The following DOCK4 variants were observed in gnomAD, a reference collection of about 807,000 sequenced individuals.
DOCK4 encodes dedicator of cytokinesis protein 4.
Under a neutral mutation model 268.1 loss-of-function variants are expected in DOCK4, and 97 were observed. That is an observed-to-expected ratio of 0.36 (90% CI 0.31 to 0.43). The LOEUF (loss-of-function observed/expected upper bound fraction) is 0.43, where lower values mean the gene tolerates loss of function less well. DOCK4 is among the 20% of genes least tolerant of loss of function. DOCK4 has a pLI of 1.00. For synonymous variants in DOCK4, 954 were observed against 887.2 expected (o/e 1.08, Z -1.34); for missense variants, 2,145 against 2,455.7 (o/e 0.87, Z 2.67).
intron 1 of DOCK4, among the ~76,000 whole-genome samples, chr7:112,033,088 T>A (rs1193266111): frequency 2.6e-5 from 4 of 152,178 alleles, no homozygotes. Flanking sequence ...CAGTATATTT[T>A]AAAATTTCCA....
intron 1 of DOCK4, among the ~76,000 whole-genome samples, chr7:112,170,178 G>C (rs1358383868): frequency 6.6e-6 from 1 of 152,052 alleles, no homozygotes; most frequent in African/African-American, 2.4e-5. Context: ...ATGTGGTCGG[G>C]CACAGTGACC....
At chr7:111,815,190 G>C (rs1447594289) in intron 27 of DOCK4, among the ~76,000 whole-genome samples, 1 of 152,130 alleles carries the variant, frequency 6.6e-6, no homozygotes, top group Non-Finnish European at 1.5e-5. Flanking sequence ...ATAGGATGAG[G>C]AGTAGGGCCT....
At chr7:111,931,980 T>C (rs1303282418) in intron 12 of DOCK4, among the ~76,000 whole-genome samples, 1 of 152,158 alleles carries the variant, frequency 6.6e-6, no homozygotes, top group Admixed American at 6.5e-5. Context: ...CAGAGGGAAA[T>C]GTGTGGTTTG....
At chr7:111,772,841 G>A (rs1798210113) in intron 36 of DOCK4, among the ~76,000 whole-genome samples, 1 of 152,006 alleles carries the variant, frequency 6.6e-6, no homozygotes, top group African/African-American at 2.4e-5. Context: ...GAGCAATGAA[G>A]GTCTCCAGTC....
At chr7:111,960,774 T>C (rs1409848474) in intron 8 of DOCK4, among the ~76,000 whole-genome samples, 2 of 152,156 alleles carry the variant, frequency 1.3e-5, no homozygotes, top group African/African-American at 2.4e-5. Flanking sequence ...AGTGAGATCA[T>C]GCACTCTTTG....
chr7:111,989,302 A>G (rs373358039), intron 5 of DOCK4, 139 bp from the exon 6 acceptor site: 5 of 1,128,208 alleles, frequency 4.4e-6, no homozygotes, highest in Middle Eastern at 2.7e-4. Context: ...GTGAACAGAC[A>G]AACTGTTCGC....
At chr7:111,801,965 T>G (rs1199268109) in intron 30 of DOCK4, among the ~76,000 whole-genome samples, 1 of 151,762 alleles carries the variant, frequency 6.6e-6, no homozygotes. Context: ...CCTCCCAAAG[T>G]GCTGGGATTA....
chr7:111,742,274 C>A lies in DOCK4; in HGVS notation c.4678-142G>T, dbSNP rs977050673. The A allele has an allele frequency of 3.8e-6, 3 of 796,812 alleles. No homozygotes were observed. The East Asian group carries it at 1.0e-4, about 26-fold the overall frequency. 49.4% of individuals were successfully genotyped at this position (796,812 alleles called of 1,614,324 possible). On this transcript the variant is annotated intron_variant, in intron 44 of 52. Coordinates refer to ENST00000428084, the MANE Select transcript of DOCK4 (RefSeq NM_001363540.2). The stretch of plus-strand genomic sequence containing the variant: ...TCTGACAAGGTAGGAACAGCTGTCA[C>A]TTTACAGGTGAAGAAAAACTGAGGA...
At chr7:111,803,993 T>C (rs1800483029) in intron 30 of DOCK4, among the ~76,000 whole-genome samples, 1 of 152,196 alleles carries the variant, frequency 6.6e-6, no homozygotes, top group Non-Finnish European at 1.5e-5. Context: ...TGTGTTCTGT[T>C]GGTGAGAATG....
intron 52 of DOCK4, among the ~76,000 whole-genome samples, chr7:111,730,521 G>T (rs1795009702): frequency 6.6e-6 from 1 of 152,090 alleles, no homozygotes; most frequent in Admixed American, 6.5e-5. Flanking sequence ...GGCCAATTAA[G>T]AGTTCCCAAT....
rs1245557792 is a variant in DOCK4 at position 112,126,772 on chromosome 7, G to A, written c.37+79330C>T. ...AGGATATGAACAGACACTTCTCAAA[G>A]GAAGACATTTATGCAGCCAAAAGAC... On this transcript the variant is annotated intron_variant, in intron 1 of 52. Coordinates refer to ENST00000428084, the MANE Select transcript of DOCK4 (RefSeq NM_001363540.2). Among the ~76,000 whole-genome samples the A allele has an allele frequency of 5.3e-5, 8 of 152,226 alleles. No individual in the cohort carries two copies. The East Asian group carries it at 1.5e-3, about 29-fold the overall frequency.
chr7:111,734,378 G>T (rs1267654703), intron 51 of DOCK4, among the ~76,000 whole-genome samples: 1 of 152,030 alleles, frequency 6.6e-6, no homozygotes, highest in Admixed American at 6.6e-5. Flanking sequence ...GTAGAGACGG[G>T]GTTTTGTCAT....
intron 1 of DOCK4, among the ~76,000 whole-genome samples, chr7:112,086,614 T>C (rs146190141): frequency 3.9e-5 from 6 of 152,142 alleles, no homozygotes; most frequent in African/African-American, 1.4e-4. Flanking sequence ...CTAGCAAATG[T>C]TGGTTTCCCA....
At chr7:111,751,188 T>C (rs1189595676) in intron 42 of DOCK4, among the ~76,000 whole-genome samples, 3 of 152,204 alleles carry the variant, frequency 2.0e-5, no homozygotes, top group Non-Finnish European at 1.5e-5. Flanking sequence ...ATCAAGTCTC[T>C]AGTTCTAACT....
intron 8 of DOCK4, among the ~76,000 whole-genome samples, chr7:111,962,036 T>A (rs1399245543): frequency 6.6e-6 from 1 of 151,944 alleles, no homozygotes; most frequent in Non-Finnish European, 1.5e-5. Flanking sequence ...CCAAGAAATT[T>A]TGTCATATTT....
In DOCK4 at chr7:111,977,231, T is replaced by G. The variant is rs752301733; in HGVS notation, c.602A>C (p.His201Pro). 1 of 1,610,600 alleles carries G rather than the reference T, an allele frequency of 6.2e-7. No individual in the cohort carries two copies. Among genetic ancestry groups the G allele is most frequent in the Non-Finnish European group, 8.5e-7 (1 of 1,178,454 alleles). ...GAGGCTCTTCATCTGGACAAAGAGGTGGTGACTGCTGGCCTGCACCGGGGT... is the reference window on the plus strand; with the variant it reads ...GAGGCTCTTCATCTGGACAAAGAGGGGGTGACTGCTGGCCTGCACCGGGGT... ...KDTPVQASSHHLFVQMKSLMC... is the reference protein window; with the variant it reads ...KDTPVQASSHPLFVQMKSLMC... Residue 201 changes from histidine to proline, a missense_variant, in exon 8 of 53, where the codon CAC (histidine) becomes CCC (proline). His to Pro is a moderately conservative substitution (Grantham distance 77). Coordinates refer to ENST00000428084, the MANE Select transcript of DOCK4 (RefSeq NM_001363540.2).
intron 8 of DOCK4, among the ~76,000 whole-genome samples, chr7:111,972,992 C>T (rs1797846756): frequency 6.6e-6 from 1 of 151,510 alleles, no homozygotes; most frequent in Non-Finnish European, 1.5e-5. Flanking sequence ...CATTCCTATG[C>T]CTTTACATCC....
intron 5 of DOCK4, among the ~76,000 whole-genome samples, chr7:111,991,983 A>G (rs992464797): frequency 1.0e-4 from 15 of 149,300 alleles, no homozygotes; most frequent in Non-Finnish European, 2.1e-4. Context: ...AAAAAAAAAA[A>G]AAAAAGTGCC....
At position 111,847,118 on chromosome 7, in the gene DOCK4, A is replaced by T; in HGVS notation, c.2482T>A (p.Tyr828Asn). ...TGTAACACGACAGGCAGAAGAATGTATCGGGAATCTGAAGAGAGAAGAGTC... is the reference window on the plus strand; with the variant it reads ...TGTAACACGACAGGCAGAAGAATGTTTCGGGAATCTGAAGAGAGAAGAGTC... ...SQLYTNPDSR[Y>N]ILLPVVLHHL... Residue 828 changes from tyrosine to asparagine, a missense_variant, in exon 24 of 53, where the codon TAC (tyrosine) becomes AAC (asparagine). By Grantham distance (143) the Tyr-to-Asn change is moderately radical. This residue lies in a region of DOCK4 where 1,598 missense variants were observed against 1,986.7 expected (regional missense o/e 0.80). Coordinates refer to ENST00000428084, the MANE Select transcript of DOCK4 (RefSeq NM_001363540.2). The T allele has an allele frequency of 6.2e-7, 1 of 1,613,784 alleles. No individual in the cohort carries two copies. Among genetic ancestry groups the T allele is most frequent in the Non-Finnish European group, 8.5e-7 (1 of 1,179,718 alleles).
Sources: allele counts gnomAD v4.1 joint callset (sites outside exome capture counted in the v4.1 genomes callset), GRCh38; gene constraint gnomAD v4.1.1; regional missense constraint gnomAD v4.1.1; transcripts MANE v1.5; gene names NCBI Gene and HGNC (gene_info 2026-07-23, HGNC 2026-07-21).